Variants in RBFOX1 observed in about 807,000 individuals in gnomAD.
The protein encoded by RBFOX1 is RNA binding protein fox-1 homolog 1.
Under a neutral mutation model 57.7 loss-of-function variants are expected in RBFOX1, and 8 were observed. The observed-to-expected ratio is 0.14, with a 90% CI of 0.08 to 0.25. The LOEUF is 0.25. RBFOX1 is among the 10% of genes least tolerant of loss of function. The probability of loss-of-function intolerance (pLI) is 1.00; values close to 1 mark genes in which losing one functional copy is unlikely to be tolerated. For synonymous variants in RBFOX1, 326 were observed against 222.4 expected (o/e 1.47, Z -4.15); for missense variants, 611 against 548.5 (o/e 1.11, Z -1.14).
intron 3 of RBFOX1, among the ~76,000 whole-genome samples, chr16:6,844,028 C>G (rs115171186): frequency 1.3e-5 from 2 of 152,128 alleles, no homozygotes; most frequent in East Asian, 1.9e-4. Flanking sequence ...CTTTTCCCAA[C>G]AATCCATTTT....
chr16:6,629,729 C>T (rs933189657), intron 2 of RBFOX1, among the ~76,000 whole-genome samples: 2 of 152,114 alleles, frequency 1.3e-5, no homozygotes, highest in Non-Finnish European at 2.9e-5. Context: ...CACAAAATAG[C>T]CTTTCCTTTC....
intron 4 of RBFOX1, among the ~76,000 whole-genome samples, chr16:7,147,270 G>A (rs999203887): frequency 1.3e-5 from 2 of 151,464 alleles, no homozygotes; most frequent in Non-Finnish European, 2.9e-5. Flanking sequence ...CTCCCAAAGT[G>A]CTGGGATTAC....
chr16:7,064,019 G>T (rs936871801), intron 4 of RBFOX1, among the ~76,000 whole-genome samples: 1 of 152,176 alleles, frequency 6.6e-6, no homozygotes, highest in Non-Finnish European at 1.5e-5. Flanking sequence ...GGGCTGAGTT[G>T]TGTCCTGACA....
At chr16:5,611,769 C>CCCCT (rs2047812812) in intron 3 of RBFOX1, among the ~76,000 whole-genome samples, 1 of 116,422 alleles carries the variant, frequency 8.6e-6, no homozygotes, top group African/African-American at 3.4e-5. Context: ...TTTTCAGTCT[C>CCCCT]CCATCCATCC....
intron 3 of RBFOX1, among the ~76,000 whole-genome samples, chr16:5,803,088 T>C (rs1006892638): frequency 2.6e-5 from 4 of 152,076 alleles, no homozygotes; most frequent in Non-Finnish European, 5.9e-5. Flanking sequence ...ACCCAGACAA[T>C]GGCAGGAATG....
At chr16:7,129,984 C>T (rs535827244) in intron 4 of RBFOX1, among the ~76,000 whole-genome samples, 5 of 151,806 alleles carry the variant, frequency 3.3e-5, no homozygotes, top group African/African-American at 9.7e-5. Context: ...GATATATACT[C>T]CTCTACTTCC....
At chr16:7,607,464 G>T in intron 10 of RBFOX1, 126 bp downstream of exon 10, 1 of 896,102 alleles carries the variant, frequency 1.1e-6, no homozygotes. Flanking sequence ...AGTTCTGAAT[G>T]ATTTCTTTGG....
intron 2 of RBFOX1, among the ~76,000 whole-genome samples, chr16:6,359,858 G>T (rs891644686): frequency 6.6e-6 from 1 of 152,048 alleles, no homozygotes; most frequent in Non-Finnish European, 1.5e-5. Context: ...CAACTTAATA[G>T]TATTTATAGA....
intron 4 of RBFOX1, among the ~76,000 whole-genome samples, chr16:7,300,343 C>T (rs1358808105): frequency 6.6e-6 from 1 of 152,060 alleles, no homozygotes; most frequent in Non-Finnish European, 1.5e-5. Context: ...AAATATGATT[C>T]AGGTGTTTGA....
At chr16:5,268,866 T>C (rs1215547457) in intron 1 of RBFOX1, among the ~76,000 whole-genome samples, 2 of 152,234 alleles carry the variant, frequency 1.3e-5, no homozygotes, top group Non-Finnish European at 1.5e-5. Flanking sequence ...ACCAGCAGTG[T>C]ATGAAGGTTC....
chr16:5,500,111 CCCTTCCCT>C (rs550375888), intron 2 of RBFOX1, among the ~76,000 whole-genome samples: 15,578 of 116,980 alleles, frequency 0.13, 1,575 homozygotes, highest in African/African-American at 0.32. Context: ...TCCCTTCCCT[CCCTTCCCT>C]CCTTCCCTCC....
chr16:7,528,394 A>T (rs2152339346), intron 5 of RBFOX1, among the ~76,000 whole-genome samples: 1 of 152,312 alleles, frequency 6.6e-6, no homozygotes, highest in South Asian at 2.1e-4. Context: ...GCTCATAGAG[A>T]CTGCTAGACA....
intron 4 of RBFOX1, among the ~76,000 whole-genome samples, chr16:5,883,519 G>A (rs2057818012): frequency 9.6e-6 from 1 of 104,068 alleles, no homozygotes; most frequent in African/African-American, 5.9e-5. Context: ...GATACGGGTG[G>A]CAAACCCACA....
At chr16:5,720,085 G>A (rs1215643850) in intron 3 of RBFOX1, among the ~76,000 whole-genome samples, 2 of 152,044 alleles carry the variant, frequency 1.3e-5, no homozygotes, top group Non-Finnish European at 2.9e-5. Context: ...CACTTGGTAT[G>A]ATCAGTTTTG....
In RBFOX1 at chr16:6,863,952, T is replaced by G. The variant is rs114740344; in HGVS notation, c.-15-188105T>G. Reference sequence around the variant, plus strand: ...TTGTGCTCCCTCCTTCTTCCTTCTCTTGCAAAATCCTCACAACTTCTTCTG... The same window carrying G: ...TTGTGCTCCCTCCTTCTTCCTTCTCGTGCAAAATCCTCACAACTTCTTCTG... On this transcript the variant is annotated intron_variant, in intron 3 of 15. Coordinates refer to ENST00000550418, the MANE Select transcript of RBFOX1 (RefSeq NM_018723.4). 1.6e-3 allele frequency among the ~76,000 whole-genome samples: 246 copies of G among 151,490 alleles called. 4 individuals carry two copies. The highest frequency in any genetic ancestry group is 5.7e-3 in the African/African-American group (235 of 41,348).
chr16:5,592,181 G>T (rs545315159), intron 2 of RBFOX1, among the ~76,000 whole-genome samples: 9 of 151,994 alleles, frequency 5.9e-5, no homozygotes, highest in African/African-American at 1.9e-4. Context: ...TTTTTCTATG[G>T]ACTTCCTTTG....
At chr16:6,198,533 A>T (rs548217826) in intron 1 of RBFOX1, among the ~76,000 whole-genome samples, 2 of 152,344 alleles carry the variant, frequency 1.3e-5, no homozygotes, top group South Asian at 4.1e-4. Flanking sequence ...GACCTTGAGC[A>T]TGTCAGTAAC....
At chr16:5,909,326 T>G (rs920021605) in intron 4 of RBFOX1, among the ~76,000 whole-genome samples, 1 of 152,070 alleles carries the variant, frequency 6.6e-6, no homozygotes, top group African/African-American at 2.4e-5. Context: ...TCTCTGGACC[T>G]CATCATCCGC....
intron 2 of RBFOX1, among the ~76,000 whole-genome samples, chr16:6,352,043 G>T (rs2086499451): frequency 6.6e-6 from 1 of 152,098 alleles, no homozygotes; most frequent in African/African-American, 2.4e-5. Flanking sequence ...CTGTCTGTTG[G>T]GCAGGGAGAG....
Sources: gnomAD v4.1 joint callset for allele counts (sites outside exome capture counted in the v4.1 genomes callset) on GRCh38, gnomAD v4.1.1 for gene constraint, MANE v1.5 for transcripts, NCBI Gene and HGNC (gene_info 2026-07-23, HGNC 2026-07-21) for gene names.